ZNF804A: variants seen among roughly 807,000 people sequenced by gnomAD.
ZNF804A encodes zinc finger protein 804A.
A neutral mutation model predicts 16.5 loss-of-function variants in ZNF804A; 2 were observed. The ratio of observed to expected loss-of-function variants is 0.12; its 90% CI spans 0.05 to 0.38. ZNF804A has a LOEUF of 0.38. Among genes scored for constraint, ZNF804A ranks in the 10% least tolerant of loss-of-function variants. The probability of loss-of-function intolerance (pLI) is 0.99; values close to 1 mark genes in which losing one functional copy is unlikely to be tolerated. For missense variants in ZNF804A, 1,473 were observed against 1,390.7 expected (o/e 1.06, Z -0.94); for synonymous variants, 534 against 489.6 (o/e 1.09, Z -1.20).
intron 2 of ZNF804A, among the ~76,000 whole-genome samples, chr2:184,888,499 T>C (rs976426642): frequency 4.6e-5 from 7 of 152,170 alleles, no homozygotes; most frequent in Non-Finnish European, 1.0e-4. Context: ...TCAATTTGGT[T>C]CTCTGATCTC....
chr2:184,858,674 A>G (rs997326294), intron 1 of ZNF804A, among the ~76,000 whole-genome samples: 2 of 151,890 alleles, frequency 1.3e-5, no homozygotes, highest in Admixed American at 1.3e-4. Flanking sequence ...TATTTTTTTG[A>G]ACTTTCATAC....
intron 1 of ZNF804A, among the ~76,000 whole-genome samples, chr2:184,653,946 G>A (rs1176213966): frequency 6.6e-6 from 1 of 152,164 alleles, no homozygotes; most frequent in Non-Finnish European, 1.5e-5. Context: ...GAGAACCAGT[G>A]TGGTAACTGC....
At position 184,939,286 on chromosome 2, in the gene ZNF804A, A is replaced by G. The variant is rs1685856270; in HGVS notation, c.*260A>G. 3.1e-6 allele frequency: 1 copy of G among 321,882 alleles called. No homozygotes were observed. Among genetic ancestry groups the G allele is most frequent in the Non-Finnish European group, 5.7e-6 (1 of 175,800 alleles). 19.9% of individuals were successfully genotyped at this position (321,882 alleles called of 1,614,324 possible). On this transcript the variant is annotated 3_prime_UTR_variant, in exon 4 of 4. Transcript: ENST00000302277. ...TATATTAAAATGATGTCTTAAGAGT[A>G]TGTATAATGTACATAAAATATATTT... is the stretch of plus-strand genomic sequence containing the variant.
At chr2:184,760,277 T>A (rs1694022164) in intron 1 of ZNF804A, among the ~76,000 whole-genome samples, 1 of 152,142 alleles carries the variant, frequency 6.6e-6, no homozygotes, top group Non-Finnish European at 1.5e-5. Context: ...TGAACGAATT[T>A]TAAATAAACT....
At chr2:184,786,215 C>T (rs188613885) in intron 1 of ZNF804A, among the ~76,000 whole-genome samples, 229 of 152,040 alleles carry the variant, frequency 1.5e-3, no homozygotes, top group African/African-American at 5.2e-3. Context: ...TCAGTAAATA[C>T]TAGGAGAAGA....
intron 1 of ZNF804A, among the ~76,000 whole-genome samples, chr2:184,777,798 C>T (rs1385808884): frequency 6.6e-6 from 1 of 151,526 alleles, no homozygotes; most frequent in Non-Finnish European, 1.5e-5. Context: ...TTCCCATAGC[C>T]TTTTTATCTA....
chr2:184,859,740 A>T (rs1695766644), intron 1 of ZNF804A, among the ~76,000 whole-genome samples: 1 of 152,242 alleles, frequency 6.6e-6, no homozygotes, highest in South Asian at 2.1e-4. Flanking sequence ...TTGTCTGGGA[A>T]ACCCTACTTC....
chr2:184,786,749 T>G (rs911108559), intron 1 of ZNF804A, among the ~76,000 whole-genome samples: 2 of 152,008 alleles, frequency 1.3e-5, no homozygotes, highest in African/African-American at 4.8e-5. Flanking sequence ...TACTATAAAA[T>G]TCTTATTGAT....
At chr2:184,702,552 T>A (rs1692937079) in intron 1 of ZNF804A, among the ~76,000 whole-genome samples, 1 of 152,118 alleles carries the variant, frequency 6.6e-6, no homozygotes, top group Non-Finnish European at 1.5e-5. Context: ...ATTTATGATA[T>A]CATCCTGATA....
intron 1 of ZNF804A, among the ~76,000 whole-genome samples, chr2:184,805,302 T>G (rs1054858431): frequency 1.3e-5 from 2 of 152,144 alleles, no homozygotes; most frequent in African/African-American, 4.8e-5. Flanking sequence ...TCTTAAGATA[T>G]CTTAATATTT....
intron 1 of ZNF804A, among the ~76,000 whole-genome samples, chr2:184,761,840 AGG>A (rs1694040425): frequency 6.6e-6 from 1 of 152,154 alleles, no homozygotes; most frequent in South Asian, 2.1e-4. Flanking sequence ...ATGAACTTTT[AGG>A]ATGTATGGAT....
At chr2:184,818,544 T>C (rs894757308) in intron 1 of ZNF804A, among the ~76,000 whole-genome samples, 1 of 152,010 alleles carries the variant, frequency 6.6e-6, no homozygotes, top group African/African-American at 2.4e-5. Flanking sequence ...CAGGATCAAA[T>C]TCACACATAA....
At chr2:184,663,383 G>T (rs1214729020) in intron 1 of ZNF804A, among the ~76,000 whole-genome samples, 1 of 152,136 alleles carries the variant, frequency 6.6e-6, no homozygotes, top group Non-Finnish European at 1.5e-5. Flanking sequence ...CTTGCCACCT[G>T]GGCCCCCTCT....
rs372065486 is a variant in ZNF804A at position 184,836,697 on chromosome 2, ATT to A, written c.112-29663_112-29662del. Among the ~76,000 whole-genome samples, 104 of 131,072 alleles carry A rather than the reference ATT, an allele frequency of 7.9e-4. No individual in the cohort carries two copies. The South Asian group carries it at 9.5e-3, about 12-fold the overall frequency. 86.0% of individuals were successfully genotyped at this position (131,072 alleles called of 152,430 possible). ...TTTGTGTGTGTGTATATATATATATATTTTTTTTTTATGATAGACTCCCTCAT... is the reference window on the plus strand; with the variant it reads ...TTTGTGTGTGTGTATATATATATATATTTTTTTTATGATAGACTCCCTCAT... On this transcript the variant is annotated intron_variant, in intron 1 of 3. Transcript: ENST00000302277.
At chr2:184,655,142 C>T (rs1692053350) in intron 1 of ZNF804A, among the ~76,000 whole-genome samples, 1 of 152,160 alleles carries the variant, frequency 6.6e-6, no homozygotes, top group South Asian at 2.1e-4. Context: ...TGATTCCCAC[C>T]ATTGGAAATA....
chr2:184,637,176 T>A (rs1450552271), intron 1 of ZNF804A, among the ~76,000 whole-genome samples: 1 of 152,174 alleles, frequency 6.6e-6, no homozygotes, highest in Non-Finnish European at 1.5e-5. Context: ...GCATTTTTCA[T>A]TTAAAAGACA....
At chr2:184,651,435 G>A (rs1270484681) in intron 1 of ZNF804A, among the ~76,000 whole-genome samples, 1 of 151,704 alleles carries the variant, frequency 6.6e-6, no homozygotes, top group Non-Finnish European at 1.5e-5. Context: ...ACAAAAATTG[G>A]CAAATGAGAC....
At chr2:184,813,553 C>T (rs1694931465) in intron 1 of ZNF804A, among the ~76,000 whole-genome samples, 1 of 152,020 alleles carries the variant, frequency 6.6e-6, no homozygotes, top group South Asian at 2.1e-4. Flanking sequence ...GTAACAGTAT[C>T]AGGGGCAGAA....
intron 1 of ZNF804A, among the ~76,000 whole-genome samples, chr2:184,777,770 T>C (rs1322245330): frequency 6.6e-6 from 1 of 151,666 alleles, no homozygotes; most frequent in African/African-American, 2.4e-5. Flanking sequence ...GTTTAGTGGG[T>C]TGTTTGTCCT....
Sources: allele counts gnomAD v4.1 joint callset (sites outside exome capture counted in the v4.1 genomes callset), GRCh38; gene constraint gnomAD v4.1.1; transcripts MANE v1.5; gene names NCBI Gene and HGNC (gene_info 2026-07-23, HGNC 2026-07-21).